Variants in RIPK1 observed in about 807,000 individuals in gnomAD.
The protein encoded by RIPK1 is receptor-interacting serine/threonine-protein kinase 1.
A neutral mutation model predicts 62.4 loss-of-function variants in RIPK1; 27 were observed. The observed-to-expected ratio is 0.43, with a 90% CI of 0.32 to 0.60. RIPK1 has a LOEUF of 0.60. Among genes scored for constraint, RIPK1 ranks in the 20% least tolerant of loss-of-function variants. RIPK1 has a pLI of 0.07. For missense variants in RIPK1, 735 were observed against 831.0 expected (o/e 0.88, Z 1.42); for synonymous variants, 287 against 303.2 (o/e 0.95, Z 0.55).
At chr6:3,111,335 AAGAT>A (rs1315429401) in intron 10 of RIPK1, among the ~76,000 whole-genome samples, 1 of 152,212 alleles carries the variant, frequency 6.6e-6, no homozygotes, top group African/African-American at 2.4e-5. Context: ...GATCCTGTAA[AAGAT>A]AGAAGACTGT....
Position 3,107,159 on chromosome 6 carries a change from G to A in RIPK1, c.1576+1108G>A, listed in dbSNP as rs866347783. 4.6e-5 allele frequency among the ~76,000 whole-genome samples: 7 copies of A among 152,034 alleles called. No individual in the cohort carries two copies. In the South Asian group the frequency reaches 8.3e-4, roughly 18 times the overall value. On this transcript the variant is annotated intron_variant, in intron 9 of 10. Transcript: ENST00000259808. ...CCCAGCTACTAGGGAGGCTGAGGCA[G>A]GAGAATCACTTGAACCCTGGAGACA...
At chr6:3,079,496 A>C (rs1353726233) in intron 3 of RIPK1, among the ~76,000 whole-genome samples, 1 of 152,260 alleles carries the variant, frequency 6.6e-6, no homozygotes, top group East Asian at 1.9e-4. Flanking sequence ...TTTGAAGCAG[A>C]GAATTAGAGA....
chr6:3,085,909 A>C (rs112573926), intron 6 of RIPK1, among the ~76,000 whole-genome samples: 5 of 152,196 alleles, frequency 3.3e-5, no homozygotes, highest in African/African-American at 4.8e-5. Flanking sequence ...GTGTTGTAGC[A>C]TATGTCAGAA....
chr6:3,108,343 A>G (rs60827785), intron 9 of RIPK1, among the ~76,000 whole-genome samples: 1,978 of 152,182 alleles, frequency 0.013, 47 homozygotes, highest in East Asian at 0.085. Context: ...CTGAAAATTT[A>G]TATATTATCA....
chr6:3,081,860 TAAAAAAAAAAAAAAAAAAAAAAAAAA>T (rs58330257), intron 4 of RIPK1, among the ~76,000 whole-genome samples: 291 of 22,878 alleles, frequency 0.013, 5 homozygotes, highest in Non-Finnish European at 0.022. Context: ...AACTCTGCCT[TAAAAAAAAAAAAAAAAAAAAAAAAAA>T]AAAAAAAAAA....
intron 5 of RIPK1, among the ~76,000 whole-genome samples, chr6:3,084,826 T>G (rs1759604602): frequency 6.6e-6 from 1 of 152,098 alleles, no homozygotes; most frequent in Non-Finnish European, 1.5e-5. Flanking sequence ...TCTCTTGACG[T>G]CATGATCCGC....
At chr6:3,106,701 G>A (rs568398923) in intron 9 of RIPK1, among the ~76,000 whole-genome samples, 62 of 152,304 alleles carry the variant, frequency 4.1e-4, no homozygotes, top group African/African-American at 1.3e-3. Context: ...GAACCACAGA[G>A]CTTAGTTACA....
At position 3,105,422 on chromosome 6, in the gene RIPK1, T is replaced by G; in HGVS notation, c.1007-60T>G. On this transcript the variant is annotated intron_variant, in intron 8 of 10. Transcript: ENST00000259808. The surrounding 1 kb of genome is among the most constrained non-coding windows in gnomAD (Gnocchi z 4.5). ...ATACAGATTCATGACGGCGCTCAGA[T>G]TTTATTTTACTTTTTAATGTTTCAT... is the stretch of plus-strand genomic sequence containing the variant. The G allele has an allele frequency of 7.6e-7, 1 of 1,322,572 alleles. No homozygotes were observed. Among genetic ancestry groups the G allele is most frequent in the Non-Finnish European group, 1.0e-6 (1 of 960,822 alleles). The allele number at this position is 1,322,572 out of a possible 1,614,324, so 81.9% of individuals were successfully genotyped here.
At chr6:3,070,264 T>G (rs1758642083) in intron 1 of RIPK1, among the ~76,000 whole-genome samples, 1 of 152,240 alleles carries the variant, frequency 6.6e-6, no homozygotes, top group Non-Finnish European at 1.5e-5. Context: ...ACTGGGCAGC[T>G]TACTTTTTGG....
chr6:3,069,220 TC>T (rs1456887475), intron 1 of RIPK1, among the ~76,000 whole-genome samples: 1 of 152,210 alleles, frequency 6.6e-6, no homozygotes, highest in African/African-American at 2.4e-5. Context: ...TTTGGGCTCT[TC>T]CCTTACCAGC....
intron 1 of RIPK1, among the ~76,000 whole-genome samples, chr6:3,073,154 A>G (rs1010205443): frequency 4.0e-5 from 6 of 151,440 alleles, no homozygotes; most frequent in African/African-American, 9.7e-5. Flanking sequence ...GTATATACAC[A>G]TAGACAAATA....
intron 6 of RIPK1, among the ~76,000 whole-genome samples, chr6:3,087,052 G>A (rs1311792840): frequency 6.6e-6 from 1 of 152,176 alleles, no homozygotes; most frequent in African/African-American, 2.4e-5. Context: ...TCTGTTTAGA[G>A]AACTTTCCTT....
rs755438348 is a variant in RIPK1, at chr6:3,105,655, C to G, written c.1180C>G (p.Gln394Glu). The part of the protein sequence containing the change: ...YHLYGSRMDR[Q>E]TKQQPRQNVA... ...TCTTTATGGCAGCCGCATGGACAGG[C>G]AGACGAAACAGCAGCCCAGACAGAA... The change falls in exon 9 of 11, where the codon CAG (glutamine) becomes GAG (glutamate). Residue 394 changes from glutamine (Q) to glutamate (E), a missense_variant. This residue lies in a region of RIPK1 where 671 missense variants were observed against 726.2 expected (regional missense o/e 0.92). Transcript: ENST00000259808. This position sits in a 1 kb window ranked among gnomAD's most constrained non-coding sequence, Gnocchi z 4.5. 6.2e-7 allele frequency: 1 copy of G among 1,613,926 alleles called. No individual in the cohort carries two copies. The highest frequency in any genetic ancestry group is 8.5e-7 in the Non-Finnish European group (1 of 1,179,870).
At chr6:3,074,210 T>C (rs1175515700) in intron 1 of RIPK1, among the ~76,000 whole-genome samples, 1 of 152,226 alleles carries the variant, frequency 6.6e-6, no homozygotes, top group African/African-American at 2.4e-5. Context: ...AGCCTCACCG[T>C]GCTCACAGGC....
chr6:3,100,725 G>A (rs1581425554), intron 7 of RIPK1, among the ~76,000 whole-genome samples: 1 of 115,738 alleles, frequency 8.6e-6, no homozygotes, highest in Non-Finnish European at 1.6e-5. Flanking sequence ...CGAGTAGCTG[G>A]GATTACAGGC....
intron 1 of RIPK1, among the ~76,000 whole-genome samples, chr6:3,075,026 T>A (rs1758977781): frequency 6.6e-6 from 1 of 152,262 alleles, no homozygotes; most frequent in Non-Finnish European, 1.5e-5. Flanking sequence ...GCCCTCCTTT[T>A]ACTCTCAAAG....
rs1482500919 is a variant in RIPK1, at chr6:3,068,572, CAGCTGGGGCGCCAG to C, written c.-146_-133del. 4 of 985,218 alleles carry C rather than the reference CAGCTGGGGCGCCAG, an allele frequency of 4.1e-6. No individual in the cohort carries two copies. Among genetic ancestry groups the C allele is most frequent in the Non-Finnish European group, 4.8e-6 (4 of 829,942 alleles). The allele number at this position is 985,218 out of a possible 1,614,324, so 61.0% of individuals were successfully genotyped here. A position where few individuals can be genotyped will look rare whatever the true frequency, so the allele number is the denominator to read the frequency against. ...GAGCGCGGCGACTCCAGGGGACCCACAGCTGGGGCGCCAGAGCGCGGCCATCCGGGCGGGGCCGA... is the reference window on the plus strand; with the variant it reads ...GAGCGCGGCGACTCCAGGGGACCCACAGCGCGGCCATCCGGGCGGGGCCGA... On this transcript the variant is annotated 5_prime_UTR_variant, in exon 1 of 11. Transcript: ENST00000259808.
upstream of RIPK1, among the ~76,000 whole-genome samples, chr6:3,067,134 G>C (rs78407702): frequency 4.6e-3 from 597 of 130,806 alleles, 6 homozygotes; most frequent in African/African-American, 0.017. Flanking sequence ...ATGTACCACA[G>C]CTTATCTGTC....
intron 1 of RIPK1, among the ~76,000 whole-genome samples, chr6:3,073,591 G>C (rs1373768294): frequency 6.6e-6 from 1 of 152,074 alleles, no homozygotes; most frequent in Non-Finnish European, 1.5e-5. Flanking sequence ...CACCGATGTA[G>C]TTGTTTCCTG....
Sources: gnomAD v4.1 joint callset for allele counts (sites outside exome capture counted in the v4.1 genomes callset) on GRCh38, gnomAD v4.1.1 for gene constraint, gnomAD v4.1.1 regional missense constraint, Gnocchi (gnomAD v3.1) non-coding constraint, MANE v1.5 for transcripts, NCBI Gene and HGNC (gene_info 2026-07-23, HGNC 2026-07-21) for gene names.